The following TRAF3IP1 variants were observed in gnomAD, a reference collection of about 807,000 sequenced individuals.
The protein encoded by TRAF3IP1 is intraflagellar transport 54.
Under a neutral mutation model 89.9 loss-of-function variants are expected in TRAF3IP1, and 53 were observed. That is an observed-to-expected ratio of 0.59 (90% confidence interval 0.47 to 0.74). The LOEUF (loss-of-function observed/expected upper bound fraction) is 0.74. TRAF3IP1 is among the 30% of genes least tolerant of loss of function. TRAF3IP1 has a pLI of 0.00. For synonymous variants in TRAF3IP1, 311 were observed against 322.1 expected (o/e 0.97, Z 0.37); for missense variants, 806 against 866.1 (o/e 0.93, Z 0.87).
chr2:238,340,884 GTCTCACTCTGTTGCTCAGGCTCGGGT>G (rs1698620397), intron 8 of TRAF3IP1, among the ~76,000 whole-genome samples: 1 of 151,734 alleles, frequency 6.6e-6, no homozygotes, highest in African/African-American at 2.4e-5. Flanking sequence ...CAGAGACAGA[GTCTCACTCTGTTGCTCAGGCTCGGGT>G]ACAGTGGCAT....
chr2:238,385,634 T>G (rs2106370689), intron 15 of TRAF3IP1, among the ~76,000 whole-genome samples: 1 of 152,330 alleles, frequency 6.6e-6, no homozygotes, highest in South Asian at 2.1e-4. Context: ...CCCCAACCTT[T>G]TTGCTACCAG....
At chr2:238,392,369 C>G (rs1164482535) in intron 15 of TRAF3IP1, among the ~76,000 whole-genome samples, 4 of 152,132 alleles carry the variant, frequency 2.6e-5, no homozygotes, top group African/African-American at 9.7e-5. Context: ...CTCTTGTTGC[C>G]TTTTTATAGC....
At chr2:238,388,959 A>G (rs1274692263) in intron 15 of TRAF3IP1, among the ~76,000 whole-genome samples, 1 of 152,228 alleles carries the variant, frequency 6.6e-6, no homozygotes, top group East Asian at 1.9e-4. Flanking sequence ...GACAGGTTGC[A>G]TATAAATCAA....
chr2:238,353,347 C>T (rs1699259659), intron 14 of TRAF3IP1, 138 bp downstream of exon 14: 1 of 874,346 alleles, frequency 1.1e-6, no homozygotes, highest in Non-Finnish European at 1.8e-6. Context: ...CGGGATCACA[C>T]TGGTGGTACA....
intron 15 of TRAF3IP1, among the ~76,000 whole-genome samples, chr2:238,383,482 C>A (rs542953659): frequency 6.6e-6 from 1 of 152,338 alleles, no homozygotes; most frequent in East Asian, 1.9e-4. Flanking sequence ...TCCCACTGCA[C>A]AGATACACCG....
rs201803424 is a variant in TRAF3IP1 at position 238,340,778 on chromosome 2, T to TTA, written c.1159+2322_1159+2323dup. Among the ~76,000 whole-genome samples the TTA allele has an allele frequency of 1.9e-3, 281 of 147,214 alleles. 3 individuals are homozygous for TTA. The highest frequency in any genetic ancestry group is 7.2e-3 in the African/African-American group (271 of 37,504). The stretch of plus-strand genomic sequence containing the variant: ...TACCTCTCACCCAGATTCACTAGTT[T>TTA]TACGTTTGCCATTTTGCTTAATGTA... On this transcript the variant is annotated intron_variant, in intron 8 of 16. Transcript: ENST00000373327.
At chr2:238,322,687 CA>C (rs71043130) in intron 1 of TRAF3IP1, among the ~76,000 whole-genome samples, 474 of 43,578 alleles carry the variant, frequency 0.011, 2 homozygotes, top group African/African-American at 0.033. Flanking sequence ...GACCCTGTCT[CA>C]AAAAAAAAAA....
intron 15 of TRAF3IP1, among the ~76,000 whole-genome samples, chr2:238,373,952 ATTC>A (rs1387329774): frequency 6.6e-6 from 1 of 152,104 alleles, no homozygotes; most frequent in African/African-American, 2.4e-5. Context: ...GTGTATAGGA[ATTC>A]TTCTGATTTT....
In TRAF3IP1 at chr2:238,334,013, G is replaced by A. The variant is rs751209074; in HGVS notation, c.1041G>A (p.Arg347=). Residue 347 remains arginine, a synonymous_variant, in exon 7 of 17, where the codon CGG becomes CGA. Transcript: ENST00000373327. ...CATTGACAACAAAAACATCAAAACGGCGATCCAAAAATTCAGTGGAAGGTA... is the reference window on the plus strand; with the variant it reads ...CATTGACAACAAAAACATCAAAACGACGATCCAAAAATTCAGTGGAAGGTA... ...SKSLTTKTSK[R]RSKNSVEGRK... 4.3e-6 allele frequency: 7 copies of A among 1,610,820 alleles called. No homozygotes were observed. The East Asian group carries it at 1.6e-4, about 36-fold the overall frequency.
At chr2:238,349,131 A>C (rs907385094) in intron 11 of TRAF3IP1, among the ~76,000 whole-genome samples, 194 bp from the exon 12 acceptor site, 1 of 152,228 alleles carries the variant, frequency 6.6e-6, no homozygotes, top group African/African-American at 2.4e-5. Flanking sequence ...TGAAAATACA[A>C]GTGGAAAGAT....
rs750886234 is a variant in TRAF3IP1, at chr2:238,344,599, G to A, written c.1261+1G>A. The A allele has an allele frequency of 1.2e-6, 2 of 1,613,722 alleles. No homozygotes were observed. Among genetic ancestry groups the A allele is most frequent in the South Asian group, 2.2e-5 (2 of 91,068 alleles). ...CCCAACCCCACAGAGAAGCAGAAAG[G>A]TAAGAATGGTCCAGTTTCGCCCTTT... On this transcript the variant is annotated splice_donor_variant, in intron 9 of 16. Coordinates refer to ENST00000373327, the MANE Select transcript of TRAF3IP1 (RefSeq NM_015650.4). LOFTEE classifies it high-confidence loss of function.
At chr2:238,389,748 A>AAAT (rs71905391) in intron 15 of TRAF3IP1, among the ~76,000 whole-genome samples, 3,654 of 146,318 alleles carry the variant, frequency 0.025, 63 homozygotes, top group African/African-American at 0.045. Flanking sequence ...ACTCCATCTC[A>AAAT]AATAATAATA....
chr2:238,338,102 G>A (rs1255609228), intron 7 of TRAF3IP1, among the ~76,000 whole-genome samples: 3 of 152,012 alleles, frequency 2.0e-5, no homozygotes, highest in Non-Finnish European at 4.4e-5. Flanking sequence ...GGAGGAGGGA[G>A]GATCATCCTT....
intron 15 of TRAF3IP1, among the ~76,000 whole-genome samples, chr2:238,358,875 A>G (rs887040053): frequency 2.0e-5 from 3 of 152,154 alleles, no homozygotes; most frequent in African/African-American, 4.8e-5. Flanking sequence ...GCTCCTCTCC[A>G]TGCCTCCTAG....
intron 15 of TRAF3IP1, among the ~76,000 whole-genome samples, chr2:238,387,830 C>G (rs1218150206): frequency 2.0e-5 from 3 of 152,142 alleles, no homozygotes; most frequent in Non-Finnish European, 4.4e-5. Flanking sequence ...CCTGTAATCC[C>G]AATGCTTTGA....
At position 238,356,088 on chromosome 2, in the gene TRAF3IP1, A is replaced by G; in HGVS notation, c.1689+8A>G. The G allele has an allele frequency of 6.2e-7, 1 of 1,607,204 alleles. No individual in the cohort carries two copies. The highest frequency in any genetic ancestry group is 8.5e-7 in the Non-Finnish European group (1 of 1,174,020). ...CCCAAACCTGGGGAGAAGGTAATGG[A>G]ATGATTTCCATAAACACTGGCATTT... is the stretch of plus-strand genomic sequence containing the variant. On this transcript the variant is annotated splice_region_variant and intron_variant, in intron 15 of 16. Coordinates refer to ENST00000373327, the MANE Select transcript of TRAF3IP1 (RefSeq NM_015650.4).
chr2:238,366,460 CATATAAATG>C (rs1699880453), intron 15 of TRAF3IP1, among the ~76,000 whole-genome samples: 7 of 151,894 alleles, frequency 4.6e-5, no homozygotes, highest in Admixed American at 4.6e-4. Context: ...AATAGATACA[CATATAAATG>C]ACTTAAGAAA....
At chr2:238,377,131 A>C (rs1352791049) in intron 15 of TRAF3IP1, among the ~76,000 whole-genome samples, 4 of 151,478 alleles carry the variant, frequency 2.6e-5, no homozygotes, top group African/African-American at 4.9e-5. Context: ...TAGGCATTTA[A>C]TTCCCTCTTA....
intron 8 of TRAF3IP1, among the ~76,000 whole-genome samples, chr2:238,344,017 A>G (rs1027993662): frequency 6.6e-6 from 1 of 151,828 alleles, no homozygotes; most frequent in African/African-American, 2.4e-5. Flanking sequence ...TTCTATCTTC[A>G]TAAACTTTGG....
Sources: allele counts gnomAD v4.1 joint callset (sites outside exome capture counted in the v4.1 genomes callset), GRCh38; gene constraint gnomAD v4.1.1; transcripts MANE v1.5; gene names NCBI Gene and HGNC (gene_info 2026-07-23, HGNC 2026-07-21).